PHF8: variants seen among roughly 807,000 people sequenced by gnomAD.
PHF8 encodes the protein PHD finger protein 8, also known as histone lysine demethylase PHF8.
A neutral mutation model predicts 74.4 loss-of-function variants in PHF8; 9 were observed. The observed-to-expected ratio is 0.12, with a 90% CI of 0.07 to 0.21. PHF8 has a LOEUF of 0.21. PHF8 is among the 10% of genes least tolerant of loss of function. The probability of loss-of-function intolerance (pLI) is 1.00; values close to 1 mark genes in which losing one functional copy is unlikely to be tolerated. For synonymous variants in PHF8, 311 were observed against 316.6 expected (o/e 0.98, Z 0.19); for missense variants, 478 against 816.6 (o/e 0.59, Z 5.05).
chrX:53,980,935 G>A (rs1277855864), intron 18 of PHF8, among the ~76,000 whole-genome samples: 2 of 112,843 alleles, frequency 1.8e-5, no homozygotes, highest in African/African-American at 6.4e-5. Flanking sequence ...ATGTCTGGCT[G>A]GGCCTGGTGG....
chrX:54,035,287 G>A (rs2066432676), intron 2 of PHF8, among the ~76,000 whole-genome samples: 1 of 107,432 alleles, frequency 9.3e-6, no homozygotes, highest in Admixed American at 1.0e-4. Flanking sequence ...AACCCAGGAG[G>A]CAGAGGTTGC....
At chrX:53,954,729 T>C (rs1213547055) in intron 19 of PHF8, among the ~76,000 whole-genome samples, 2 of 108,875 alleles carry the variant, frequency 1.8e-5, no homozygotes, top group Non-Finnish European at 1.9e-5. Context: ...AACAAAAATT[T>C]TTTAAAAGGA....
chrX:54,005,204 A>C (rs1235726832), intron 8 of PHF8, among the ~76,000 whole-genome samples: 2 of 111,024 alleles, frequency 1.8e-5, no homozygotes, highest in African/African-American at 6.5e-5. Context: ...GCGGTGGCTC[A>C]TGCCTGTAAT....
chrX:53,948,179 T>A (rs1214819121), intron 19 of PHF8, among the ~76,000 whole-genome samples: 2 of 111,961 alleles, frequency 1.8e-5, no homozygotes, highest in Non-Finnish European at 3.8e-5. Context: ...GTGTAAACAG[T>A]TGGGGAAATT....
At chrX:53,957,234 T>C (rs1603303263) in intron 19 of PHF8, among the ~76,000 whole-genome samples, 1 of 109,472 alleles carries the variant, frequency 9.1e-6, no homozygotes, top group East Asian at 2.9e-4. Context: ...TGCGTGCCTG[T>C]AGTCCCAGCT....
chrX:54,043,560 T>C (rs1231903478), intron 1 of PHF8, among the ~76,000 whole-genome samples: 1 of 111,209 alleles, frequency 9.0e-6, no homozygotes, highest in Non-Finnish European at 1.9e-5. Context: ...AAAGGATCTA[T>C]TCAAAACCCC....
intron 19 of PHF8, among the ~76,000 whole-genome samples, chrX:53,954,499 CAAAAAA>C (rs1180184175): frequency 3.0e-3 from 40 of 13,130 alleles, no homozygotes; most frequent in Non-Finnish European, 5.1e-3. Context: ...GACTCTGTCT[CAAAAAA>C]AAAAAAAAAA....
intron 7 of PHF8, among the ~76,000 whole-genome samples, chrX:54,013,684 G>C (rs1195680714): frequency 1.8e-5 from 2 of 109,878 alleles, no homozygotes; most frequent in Non-Finnish European, 3.8e-5. Context: ...TAGGCGTGGT[G>C]GTGGGCGCTT....
chrX:54,002,654 C>T lies in PHF8; in HGVS notation c.975G>A (p.Val325=), dbSNP rs1557104446. ...TGWIHAVLTP[V]DCLAFGGNFL... Reference sequence around the variant, plus strand: ...AGTTCCCTCCAAAGGCAAGGCAGTCCACAGGCGTCAGCACAGCATGGATCC... The same window carrying T: ...AGTTCCCTCCAAAGGCAAGGCAGTCTACAGGCGTCAGCACAGCATGGATCC... The change falls in exon 9 of 22, where the codon GTG becomes GTA. Residue 325 remains valine, a synonymous_variant. Transcript: ENST00000338154. 2.5e-6 allele frequency: 3 copies of T among 1,202,611 alleles called. No individual in the cohort carries two copies. The African/African-American group carries it at 5.3e-5, about 21-fold the overall frequency.
intron 1 of PHF8, among the ~76,000 whole-genome samples, chrX:54,043,552 A>C (rs1226271679): frequency 3.6e-5 from 4 of 111,233 alleles, no homozygotes; most frequent in Non-Finnish European, 7.5e-5. Context: ...GAAACTCAAA[A>C]GGATCTATTC....
intron 18 of PHF8, among the ~76,000 whole-genome samples, chrX:53,973,711 T>C (rs1253926054): frequency 9.0e-6 from 1 of 111,315 alleles, no homozygotes; most frequent in Non-Finnish European, 1.9e-5. Context: ...ATCTAGGCAA[T>C]ACCATTCAGG....
intron 13 of PHF8, 76 bp downstream of exon 13, chrX:53,993,525 T>C (rs782121585): frequency 3.4e-6 from 3 of 895,193 alleles, no homozygotes; most frequent in East Asian, 3.1e-5. Flanking sequence ...CCAGACAGGA[T>C]AGCCTGCTTT....
intron 18 of PHF8, among the ~76,000 whole-genome samples, chrX:53,968,525 A>C (rs1557093704): frequency 8.9e-6 from 1 of 112,431 alleles, no homozygotes; most frequent in Non-Finnish European, 1.9e-5. Context: ...TAACTCAAAA[A>C]ACTGAAGAGG....
chrX:53,997,921 T>C (rs782560717), intron 11 of PHF8, among the ~76,000 whole-genome samples: 2 of 111,410 alleles, frequency 1.8e-5, no homozygotes, highest in Non-Finnish European at 3.8e-5. Context: ...GAGGGGAAGG[T>C]TGGCAACAGG....
chrX:54,043,988 G>A lies in PHF8; in HGVS notation c.-319C>T. 1.3e-6 allele frequency: 1 copy of A among 754,856 alleles called. No individual in the cohort carries two copies. The highest frequency in any genetic ancestry group is 1.6e-6 in the Non-Finnish European group (1 of 639,288). 62.2% of individuals were successfully genotyped at this position (754,856 alleles called of 1,213,427 possible). A position where few individuals can be genotyped will look rare whatever the true frequency, so the allele number is the denominator to read the frequency against. On this transcript the variant is annotated 5_prime_UTR_variant, in exon 1 of 22. Coordinates refer to ENST00000338154, the MANE Select transcript of PHF8 (RefSeq NM_015107.3). ...GTAGTTCCGGCCCCTACGGCGACGC[G>A]CGTCGAATTCTGGGATAGTCCCCGT...
intron 19 of PHF8, among the ~76,000 whole-genome samples, chrX:53,954,482 A>G: frequency 1.1e-5 from 1 of 89,111 alleles, no homozygotes; most frequent in African/African-American, 4.3e-5. Context: ...CCTGGGTGAC[A>G]GAGCAAGACT....
chrX:54,004,706 A>G (rs1334098895), intron 8 of PHF8, among the ~76,000 whole-genome samples: 1 of 110,929 alleles, frequency 9.0e-6, no homozygotes, highest in Non-Finnish European at 1.9e-5. Context: ...CGAGGTGGGT[A>G]TATCACGAGG....
At chrX:53,980,943 T>A (rs1224586387) in intron 18 of PHF8, among the ~76,000 whole-genome samples, 2 of 112,911 alleles carry the variant, frequency 1.8e-5, no homozygotes, top group African/African-American at 3.2e-5. Context: ...CTGGGCCTGG[T>A]GGCTCGCGCC....
intron 4 of PHF8, among the ~76,000 whole-genome samples, chrX:54,021,631 G>A (rs1161804368): frequency 2.8e-5 from 3 of 107,469 alleles, no homozygotes; most frequent in Non-Finnish European, 5.8e-5. Flanking sequence ...ACTACGCCCG[G>A]CCAATTTTTT....
Sources: gnomAD v4.1 joint callset for allele counts (sites outside exome capture counted in the v4.1 genomes callset) on GRCh38, gnomAD v4.1.1 for gene constraint, MANE v1.5 for transcripts, NCBI Gene and HGNC (gene_info 2026-07-23, HGNC 2026-07-21) for gene names.